The following CNTN5 variants were observed in gnomAD, a reference collection of about 807,000 sequenced individuals.
The protein encoded by CNTN5 is contactin-5.
Under a neutral mutation model 129.1 loss-of-function variants are expected in CNTN5, and 77 were observed. That is an observed-to-expected ratio of 0.60 (90% CI 0.50 to 0.72). The LOEUF (loss-of-function observed/expected upper bound fraction) is 0.72. CNTN5 is among the 30% of genes least tolerant of loss of function. CNTN5 has a pLI of 0.00. For missense variants in CNTN5, 1,478 were observed against 1,328.8 expected, an observed-to-expected ratio of 1.11 and a Z score of -1.75; for synonymous variants, 509 against 465.6, an observed-to-expected ratio of 1.09 and a Z score of -1.20.
intron 1 of CNTN5, among the ~76,000 whole-genome samples, chr11:99,101,082 C>G (rs111902284): frequency 0.022 from 3,385 of 152,204 alleles, 125 homozygotes; most frequent in African/African-American, 0.078. Flanking sequence ...AGGCGAAAGG[C>G]ACATGTTACA....
intron 3 of CNTN5, among the ~76,000 whole-genome samples, chr11:99,665,024 T>C (rs1289727037): frequency 1.3e-5 from 2 of 152,122 alleles, no homozygotes; most frequent in Admixed American, 6.6e-5. Context: ...TGAATAAGAA[T>C]ATGTAATTAT....
chr11:99,691,963 T>C (rs778632894), intron 3 of CNTN5, among the ~76,000 whole-genome samples: 3 of 152,166 alleles, frequency 2.0e-5, no homozygotes, highest in Non-Finnish European at 4.4e-5. Context: ...GATAGTTAGT[T>C]CTTGTTGAAT....
At position 99,614,330 on chromosome 11, in the gene CNTN5, G is replaced by C. The variant is rs1950690479; in HGVS notation, c.55+58061G>C. On this transcript the variant is annotated intron_variant, in intron 3 of 24. Transcript: ENST00000524871. Reference sequence around the variant, plus strand: ...GTCATAATAACAGTGAAACAATCCAGAGTAAAGGGAAAAATAAACATGGTT... The same window carrying C: ...GTCATAATAACAGTGAAACAATCCACAGTAAAGGGAAAAATAAACATGGTT... Among the ~76,000 whole-genome samples the C allele has an allele frequency of 2.0e-5, 3 of 152,134 alleles. 1 individual carries two copies. Among genetic ancestry groups the C allele is most frequent in the Admixed American group, 1.3e-4 (2 of 15,264 alleles).
At position 99,977,446 on chromosome 11, in the gene CNTN5, G is replaced by A. The variant is rs188089383; in HGVS notation, c.877+20437G>A. Among the ~76,000 whole-genome samples, 22 of 152,196 alleles carry A rather than the reference G, an allele frequency of 1.4e-4. No individual in the cohort carries two copies. In the South Asian group the frequency reaches 1.7e-3, roughly 11 times the overall value. On this transcript the variant is annotated intron_variant, in intron 8 of 24. Transcript: ENST00000524871. Reference sequence around the variant, plus strand: ...TTTTATATTAGTTCATTTTCACACCGCTATGAAGAGCTACCTGAGACTTGG... The same window carrying A: ...TTTTATATTAGTTCATTTTCACACCACTATGAAGAGCTACCTGAGACTTGG...
chr11:99,112,339 T>A lies in CNTN5; in HGVS notation c.-210+91069T>A, dbSNP rs554243951. Among the ~76,000 whole-genome samples the A allele has an allele frequency of 1.0e-3, 159 of 152,186 alleles. 1 individual carries two copies. The highest frequency in any genetic ancestry group is 2.3e-3 in the South Asian group (11 of 4,826). On this transcript the variant is annotated intron_variant, in intron 1 of 24. Transcript: ENST00000524871. ...GGGATTCTTAATCTCAAGAAGGTTA[T>A]GTCATAATCTGAAATACGCTTTTTC...
At chr11:99,734,534 C>A (rs1424814244) in intron 3 of CNTN5, among the ~76,000 whole-genome samples, 2 of 152,106 alleles carry the variant, frequency 1.3e-5, no homozygotes, top group Non-Finnish European at 2.9e-5. Context: ...TTCAGGATTA[C>A]AAAACATTAT....
At chr11:99,987,389 A>G (rs1402628755) in intron 8 of CNTN5, among the ~76,000 whole-genome samples, 1 of 151,860 alleles carries the variant, frequency 6.6e-6, no homozygotes, top group Non-Finnish European at 1.5e-5. Flanking sequence ...ATAATGAACA[A>G]TGCTATTTCT....
intron 7 of CNTN5, among the ~76,000 whole-genome samples, chr11:99,921,291 T>A (rs573820298): frequency 2.2e-4 from 33 of 152,222 alleles, no homozygotes; most frequent in African/African-American, 7.7e-4. Flanking sequence ...GCTACTGCTT[T>A]CCCTCCTACT....
At chr11:99,873,706 T>C (rs1346235561) in intron 6 of CNTN5, among the ~76,000 whole-genome samples, 1 of 152,158 alleles carries the variant, frequency 6.6e-6, no homozygotes, top group Non-Finnish European at 1.5e-5. Flanking sequence ...GTCCCACTAC[T>C]GGCTATCTAC....
intron 1 of CNTN5, among the ~76,000 whole-genome samples, chr11:99,171,812 T>A (rs575461957): frequency 6.6e-6 from 1 of 152,326 alleles, no homozygotes; most frequent in African/African-American, 2.4e-5. Flanking sequence ...TAATAATCAA[T>A]AATTACAATA....
intron 4 of CNTN5, among the ~76,000 whole-genome samples, chr11:99,823,175 C>A (rs1171982127): frequency 1.3e-5 from 2 of 152,198 alleles, no homozygotes; most frequent in African/African-American, 4.8e-5. Flanking sequence ...CCCTGACCCA[C>A]GAAGGCTGTG....
intron 4 of CNTN5, among the ~76,000 whole-genome samples, chr11:99,826,449 CA>C (rs1386162112): frequency 6.6e-6 from 1 of 152,114 alleles, no homozygotes; most frequent in Admixed American, 6.6e-5. Flanking sequence ...CATACGTACA[CA>C]CAAAAGGCAT....
At chr11:99,948,813 G>A (rs912901117) in intron 7 of CNTN5, among the ~76,000 whole-genome samples, 1 of 152,146 alleles carries the variant, frequency 6.6e-6, no homozygotes, top group Non-Finnish European at 1.5e-5. Flanking sequence ...CACCCGATGC[G>A]TGCGCACATC....
At chr11:99,051,535 G>T (rs1864427651) in intron 1 of CNTN5, among the ~76,000 whole-genome samples, 1 of 151,842 alleles carries the variant, frequency 6.6e-6, no homozygotes, top group South Asian at 2.1e-4. Context: ...AACAAGCTTG[G>T]TTTATTTTTG....
In CNTN5 at chr11:100,203,893, CTTA is replaced by C. The variant is rs370171123; in HGVS notation, c.1884+10236_1884+10238del. Among the ~76,000 whole-genome samples, 24 of 151,308 alleles carry C rather than the reference CTTA, an allele frequency of 1.6e-4. No individual in the cohort carries two copies. The East Asian group carries it at 4.3e-3, about 27-fold the overall frequency. On this transcript the variant is annotated intron_variant, in intron 15 of 24. Transcript: ENST00000524871. ...AAACTTCATCTTCCAACATTTTTCT[CTTA>C]TTATTTTACAGCAAAGCATAATAAT...
At chr11:99,133,490 T>G (rs1345725436) in intron 1 of CNTN5, among the ~76,000 whole-genome samples, 1 of 150,628 alleles carries the variant, frequency 6.6e-6, no homozygotes, top group Non-Finnish European at 1.5e-5. Context: ...TGGGAGAAAA[T>G]TTTTTCAATC....
intron 1 of CNTN5, among the ~76,000 whole-genome samples, chr11:99,221,945 C>G (rs1446903086): frequency 2.0e-5 from 3 of 151,818 alleles, no homozygotes; most frequent in African/African-American, 2.4e-5. Flanking sequence ...AACAATTGGA[C>G]AGCAATTTTA....
chr11:99,706,941 T>A (rs755381300), intron 3 of CNTN5, among the ~76,000 whole-genome samples: 16 of 151,108 alleles, frequency 1.1e-4, no homozygotes, highest in Non-Finnish European at 8.9e-5. Context: ...GTGCTATATA[T>A]CTCAATTAAT....
At chr11:99,895,853 C>A (rs1396778124) in intron 6 of CNTN5, among the ~76,000 whole-genome samples, 2 of 152,164 alleles carry the variant, frequency 1.3e-5, no homozygotes, top group Non-Finnish European at 2.9e-5. Context: ...CACTGCCCCA[C>A]TGAGAAAGGA....
Sources: allele counts gnomAD v4.1 joint callset (sites outside exome capture counted in the v4.1 genomes callset), GRCh38; gene constraint gnomAD v4.1.1; transcripts MANE v1.5; gene names NCBI Gene and HGNC (gene_info 2026-07-23, HGNC 2026-07-21).